The following RASAL2 variants were observed in gnomAD, a reference collection of about 807,000 sequenced individuals.
RASAL2 encodes RAS protein activator like 2, also known as ras GTPase-activating protein nGAP.
RASAL2 carries 58 observed loss-of-function variants against 128.9 expected under a neutral mutation model. That is an observed-to-expected ratio of 0.45 (90% CI 0.36 to 0.56). The LOEUF (loss-of-function observed/expected upper bound fraction) is 0.56. Ranked by LOEUF, RASAL2 falls within the 20% of genes least tolerant of loss-of-function variation. RASAL2 has a pLI of 0.00. For missense variants in RASAL2, 1,360 were observed against 1,601.6 expected, an observed-to-expected ratio of 0.85 and a Z score of 2.57; for synonymous variants, 561 against 580.8, an observed-to-expected ratio of 0.97 and a Z score of 0.49.
intron 1 of RASAL2, among the ~76,000 whole-genome samples, chr1:178,101,439 C>T (rs545504175): frequency 6.6e-6 from 1 of 152,092 alleles, no homozygotes; most frequent in African/African-American, 2.4e-5. Context: ...CAACATTGCT[C>T]GAGTTCCATT....
At position 178,478,412 on chromosome 1, in the gene RASAL2, A is replaced by G. The variant is rs1648824740; in HGVS notation, c.*5173A>G. ...TTAGGTTAAATTTTGACTGGTGCTT[A>G]GACATTTCCTAGTTATATTAACTTA... On this transcript the variant is annotated 3_prime_UTR_variant, in exon 18 of 18. Transcript: ENST00000367649. The G allele has an allele frequency of 6.6e-6, 1 of 152,238 alleles. No homozygotes were observed. The highest frequency in any genetic ancestry group is 2.4e-5 in the African/African-American group (1 of 41,476). The allele number at this position is 152,238 out of a possible 1,614,324, so 9.4% of individuals were successfully genotyped here.
At chr1:178,325,851 A>G (rs973163000) in intron 3 of RASAL2, among the ~76,000 whole-genome samples, 3 of 152,178 alleles carry the variant, frequency 2.0e-5, no homozygotes, top group African/African-American at 7.2e-5. Flanking sequence ...CTGTAATCCT[A>G]GCACTTTAAC....
At chr1:178,446,688 C>T (rs560606441) in intron 9 of RASAL2, among the ~76,000 whole-genome samples, 3 of 152,238 alleles carry the variant, frequency 2.0e-5, no homozygotes, top group East Asian at 3.9e-4. Flanking sequence ...GAGATTTTTA[C>T]CCTCGAGAAG....
rs1571825434 is a variant in RASAL2 at position 178,306,882 on chromosome 1, G to T, written c.457+6764G>T. ...ACTGTTGTGGGGTGGGGGGAGGGGGGAGGGATAGCATTGGGAGATATACCT... is the reference window on the plus strand; with the variant it reads ...ACTGTTGTGGGGTGGGGGGAGGGGGTAGGGATAGCATTGGGAGATATACCT... On this transcript the variant is annotated intron_variant, in intron 3 of 17. Transcript: ENST00000367649. Among the ~76,000 whole-genome samples, 3 of 112,172 alleles carry T rather than the reference G, an allele frequency of 2.7e-5. No homozygotes were observed. The South Asian group carries it at 1.1e-3, about 41-fold the overall frequency. 73.6% of individuals were successfully genotyped at this position (112,172 alleles called of 152,430 possible).
intron 4 of RASAL2, among the ~76,000 whole-genome samples, chr1:178,391,960 C>T (rs962719615): frequency 1.3e-5 from 2 of 152,304 alleles, no homozygotes; most frequent in African/African-American, 2.4e-5. Context: ...GGACCTTATT[C>T]TTCCGAGCTC....
chr1:178,186,925 G>A (rs1304870941), intron 1 of RASAL2, among the ~76,000 whole-genome samples: 1 of 151,758 alleles, frequency 6.6e-6, no homozygotes, highest in Non-Finnish European at 1.5e-5. Context: ...CTGGGCTCTA[G>A]TGATCCTCCC....
chr1:178,101,519 G>A (rs1658898508), intron 1 of RASAL2, among the ~76,000 whole-genome samples: 1 of 152,144 alleles, frequency 6.6e-6, no homozygotes. Context: ...TAAGGGATTG[G>A]TAATACTTAT....
At chr1:178,260,170 G>A (rs1665603232) in intron 1 of RASAL2, among the ~76,000 whole-genome samples, 2 of 149,686 alleles carry the variant, frequency 1.3e-5, no homozygotes. Flanking sequence ...GGCCAAGATG[G>A]TGAAACTCCG....
At chr1:178,418,615 GT>G (rs1424620943) in intron 4 of RASAL2, among the ~76,000 whole-genome samples, 55 of 152,164 alleles carry the variant, frequency 3.6e-4, no homozygotes, top group African/African-American at 1.1e-3. Flanking sequence ...ATTTGAGTAA[GT>G]TTGTTTTCAT....
At chr1:178,264,750 T>C (rs1209274391) in intron 1 of RASAL2, among the ~76,000 whole-genome samples, 1 of 152,176 alleles carries the variant, frequency 6.6e-6, no homozygotes, top group Non-Finnish European at 1.5e-5. Flanking sequence ...AACCCCACTG[T>C]TTAGAGTTTT....
At chr1:178,397,250 T>C (rs1673295600) in intron 4 of RASAL2, among the ~76,000 whole-genome samples, 2 of 152,184 alleles carry the variant, frequency 1.3e-5, no homozygotes, top group South Asian at 2.1e-4. Flanking sequence ...AGAATAGATA[T>C]GCAAACTATG....
chr1:178,435,424 C>T lies in RASAL2; in HGVS notation c.675-3998C>T, dbSNP rs144918003. Reference sequence around the variant, plus strand: ...GTATCTGCTGTTATGTGAATGTTGGCTCCCCATCTCCCAGCCCTTCACTTT... The same window carrying T: ...GTATCTGCTGTTATGTGAATGTTGGTTCCCCATCTCCCAGCCCTTCACTTT... On this transcript the variant is annotated intron_variant, in intron 5 of 17. Coordinates refer to ENST00000367649, the MANE Select transcript of RASAL2 (RefSeq NM_170692.4). Among the ~76,000 whole-genome samples the T allele has an allele frequency of 1.5e-3, 228 of 152,170 alleles. 2 individuals are homozygous for T. Among genetic ancestry groups the T allele is most frequent in the Admixed American group, 9.8e-3 (150 of 15,264 alleles).
chr1:178,426,703 A>G (rs898478128), intron 5 of RASAL2, among the ~76,000 whole-genome samples: 3 of 152,146 alleles, frequency 2.0e-5, no homozygotes, highest in African/African-American at 7.2e-5. Context: ...AGTAGAAACA[A>G]TGAAAACCAG....
chr1:178,433,687 C>G (rs930388553), intron 5 of RASAL2, among the ~76,000 whole-genome samples: 2 of 151,898 alleles, frequency 1.3e-5, no homozygotes, highest in Non-Finnish European at 2.9e-5. Context: ...CTGAGGCGGG[C>G]GGATCACCTG....
intron 3 of RASAL2, among the ~76,000 whole-genome samples, chr1:178,352,384 C>T (rs1670559751): frequency 6.6e-6 from 1 of 152,188 alleles, no homozygotes; most frequent in African/African-American, 2.4e-5. Context: ...TCTTAAGGCT[C>T]CAAAATAATC....
chr1:178,340,412 T>C lies in RASAL2; in HGVS notation c.457+40294T>C, dbSNP rs556136573. 2.0e-5 allele frequency among the ~76,000 whole-genome samples: 3 copies of C among 152,232 alleles called. No individual in the cohort carries two copies. In the South Asian group the frequency reaches 6.2e-4, roughly 32 times the overall value. ...ATATGTTAGGTCATCATATTAATAA[T>C]GAAGATTACATAGTTGACTTGCCTT... On this transcript the variant is annotated intron_variant, in intron 3 of 17. Coordinates refer to ENST00000367649, the MANE Select transcript of RASAL2 (RefSeq NM_170692.4).
At chr1:178,245,338 C>CT (rs1387381491) in intron 1 of RASAL2, among the ~76,000 whole-genome samples, 1 of 152,172 alleles carries the variant, frequency 6.6e-6, no homozygotes, top group Non-Finnish European at 1.5e-5. Context: ...TGATGATGAG[C>CT]TTTTTTTCAT....
At chr1:178,212,929 C>T (rs1171886065) in intron 1 of RASAL2, among the ~76,000 whole-genome samples, 1 of 152,204 alleles carries the variant, frequency 6.6e-6, no homozygotes, top group Non-Finnish European at 1.5e-5. Flanking sequence ...CTGAGAAAAG[C>T]TGTGTGTACT....
intron 8 of RASAL2, among the ~76,000 whole-genome samples, chr1:178,444,293 G>A (rs768274777): frequency 2.0e-5 from 3 of 151,964 alleles, no homozygotes; most frequent in Non-Finnish European, 2.9e-5. Context: ...AGCTTTGACC[G>A]ATTTTGCACC....
Sources: allele counts gnomAD v4.1 joint callset (sites outside exome capture counted in the v4.1 genomes callset), GRCh38; gene constraint gnomAD v4.1.1; transcripts MANE v1.5; gene names NCBI Gene and HGNC (gene_info 2026-07-23, HGNC 2026-07-21).